Variants in BMERB1 observed in about 807,000 individuals in gnomAD.
The protein encoded by BMERB1 is bMERB domain-containing protein 1.
A neutral mutation model predicts 23.6 loss-of-function variants in BMERB1; 12 were observed. The observed-to-expected ratio is 0.51, with a 90% CI of 0.33 to 0.82. BMERB1 has a LOEUF of 0.82. Ranked by LOEUF, BMERB1 falls within the 40% of genes least tolerant of loss-of-function variation. The probability of loss-of-function intolerance (pLI) is 0.03; values close to 1 mark genes in which losing one functional copy is unlikely to be tolerated. For missense variants in BMERB1, 247 were observed against 255.4 expected, an observed-to-expected ratio of 0.97 and a Z score of 0.22; for synonymous variants, 122 against 96.6, an observed-to-expected ratio of 1.26 and a Z score of -1.54.
intron 1 of BMERB1, among the ~76,000 whole-genome samples, chr16:15,497,747 C>T (rs976381851): frequency 2.0e-5 from 3 of 152,170 alleles, no homozygotes; most frequent in African/African-American, 7.2e-5. Context: ...TCAACAGGAA[C>T]AATGATGATC....
Position 15,459,958 on chromosome 16 carries a change from A to G in BMERB1, c.106+25199A>G, listed in dbSNP as rs143719512. ...TTCTTCTCAATTCTCTTTTCCTTTA[A>G]TTGGTCTTCTTCTTGCCATACCTCA... On this transcript the variant is annotated intron_variant, in intron 1 of 5. Transcript: ENST00000300006. 4.4e-3 allele frequency among the ~76,000 whole-genome samples: 669 copies of G among 152,074 alleles called. 3 individuals are homozygous for G. The highest frequency in any genetic ancestry group is 0.013 in the African/African-American group (559 of 41,440).
Position 15,587,447 on chromosome 16 carries a change from CTG to C in BMERB1, c.*622_*623del. On this transcript the variant is annotated 3_prime_UTR_variant, in exon 6 of 6. Coordinates refer to ENST00000300006, the MANE Select transcript of BMERB1 (RefSeq NM_033201.3). ...GTCACATCTCCCGCTTCCCCCCATCCTGTGTCTGGGCACAGTTCACATCAGGA... is the reference window on the plus strand; with the variant it reads ...GTCACATCTCCCGCTTCCCCCCATCCTGTCTGGGCACAGTTCACATCAGGA... 1 of 334,878 alleles carries C rather than the reference CTG, an allele frequency of 3.0e-6. No individual in the cohort carries two copies. The highest frequency in any genetic ancestry group is 6.3e-6 in the Non-Finnish European group (1 of 159,476). The allele number at this position is 334,878 out of a possible 1,614,324, so 20.7% of individuals were successfully genotyped here. A position where few individuals can be genotyped will look rare whatever the true frequency, so the allele number is the denominator to read the frequency against.
intron 1 of BMERB1, among the ~76,000 whole-genome samples, chr16:15,489,122 G>C (rs2051393962): frequency 6.6e-6 from 1 of 152,116 alleles, no homozygotes; most frequent in African/African-American, 2.4e-5. Context: ...ATATCTATCT[G>C]AATCTGAACG....
rs568439851 is a variant in BMERB1, at chr16:15,567,776, A to AAC, written c.231-205_231-204dup. Among the ~76,000 whole-genome samples, 742 of 152,198 alleles carry AAC rather than the reference A, an allele frequency of 4.9e-3. 10 individuals carry two copies. The highest frequency in any genetic ancestry group is 0.017 in the African/African-American group (693 of 41,526). On this transcript the variant is annotated intron_variant, in intron 2 of 5. Coordinates refer to ENST00000300006, the MANE Select transcript of BMERB1 (RefSeq NM_033201.3). ...AGACTCTGTCACAAACAAACAAACA[A>AAC]ACAAAAAACAGTGATCATTTCTAGG...
intron 2 of BMERB1, among the ~76,000 whole-genome samples, chr16:15,566,372 C>A (rs1305166391): frequency 6.6e-6 from 1 of 152,162 alleles, no homozygotes; most frequent in Non-Finnish European, 1.5e-5. Flanking sequence ...ATTCCTACTA[C>A]AATGTAAGTG....
chr16:15,582,889 A>C (rs1015796652), intron 4 of BMERB1, among the ~76,000 whole-genome samples: 4 of 152,158 alleles, frequency 2.6e-5, no homozygotes, highest in African/African-American at 9.7e-5. Context: ...CTGACCCCCC[A>C]GCAGGGTCCT....
At chr16:15,535,147 C>T (rs2052013068) in intron 2 of BMERB1, among the ~76,000 whole-genome samples, 3 of 151,762 alleles carry the variant, frequency 2.0e-5, no homozygotes, top group African/African-American at 4.8e-5. Flanking sequence ...CCTAGAAGTT[C>T]AAGACCAGCT....
In BMERB1 at chr16:15,536,294, C is replaced by G. The variant is rs367545322; in HGVS notation, c.230+20866C>G. Among the ~76,000 whole-genome samples, 4 of 152,058 alleles carry G rather than the reference C, an allele frequency of 2.6e-5. No homozygotes were observed. In the East Asian group the frequency reaches 7.7e-4, roughly 29 times the overall value. On this transcript the variant is annotated intron_variant, in intron 2 of 5. Transcript: ENST00000300006. The stretch of plus-strand genomic sequence containing the variant: ...TCTTCCTGACCGCTGGGCCTGCTGA[C>G]CAACAGCAGCCCCCCCGCCTCTGGA...
intron 1 of BMERB1, among the ~76,000 whole-genome samples, chr16:15,466,299 T>C (rs1288854850): frequency 6.6e-6 from 1 of 152,186 alleles, no homozygotes; most frequent in Non-Finnish European, 1.5e-5. Flanking sequence ...AAAGTAGTAT[T>C]TCATTGTTAT....
At chr16:15,497,555 T>C (rs181218902) in intron 1 of BMERB1, among the ~76,000 whole-genome samples, 5 of 152,350 alleles carry the variant, frequency 3.3e-5, no homozygotes, top group African/African-American at 1.2e-4. Context: ...ACCCTGATTT[T>C]CACGTCCGTT....
chr16:15,456,618 C>T (rs1443401150), intron 1 of BMERB1, among the ~76,000 whole-genome samples: 3 of 151,772 alleles, frequency 2.0e-5, no homozygotes, highest in Non-Finnish European at 4.4e-5. Context: ...GAAGACACTG[C>T]ATCAGCCAAA....
At chr16:15,486,734 T>C (rs2150937483) in intron 1 of BMERB1, among the ~76,000 whole-genome samples, 1 of 152,356 alleles carries the variant, frequency 6.6e-6, no homozygotes, top group African/African-American at 2.4e-5. Context: ...CTCTTTTAAA[T>C]AAATCTGAGA....
At chr16:15,463,165 A>C (rs1395839366) in intron 1 of BMERB1, among the ~76,000 whole-genome samples, 1 of 151,184 alleles carries the variant, frequency 6.6e-6, no homozygotes, top group Non-Finnish European at 1.5e-5. Context: ...TGCAGCTTTG[A>C]ACTCTTCATC....
chr16:15,540,264 G>T (rs761587164), intron 2 of BMERB1, among the ~76,000 whole-genome samples: 11 of 152,032 alleles, frequency 7.2e-5, no homozygotes, highest in Non-Finnish European at 1.5e-4. Flanking sequence ...AAGAGAACAC[G>T]CCTGTAATCC....
chr16:15,581,674 T>G (rs1223940514), intron 4 of BMERB1, among the ~76,000 whole-genome samples: 1 of 152,196 alleles, frequency 6.6e-6, no homozygotes, highest in African/African-American at 2.4e-5. Flanking sequence ...ACCGAAACTC[T>G]GCCACCTGAA....
chr16:15,513,781 C>G (rs1328056456), intron 1 of BMERB1, among the ~76,000 whole-genome samples: 1 of 152,044 alleles, frequency 6.6e-6, no homozygotes, highest in Non-Finnish European at 1.5e-5. Flanking sequence ...GTTATCCCAG[C>G]TACTTGGGAG....
intron 1 of BMERB1, among the ~76,000 whole-genome samples, chr16:15,499,878 T>A (rs552779156): frequency 1.3e-5 from 2 of 152,012 alleles, no homozygotes; most frequent in South Asian, 2.1e-4. Flanking sequence ...AGATAAGGAG[T>A]CGGGGTAGGG....
At chr16:15,473,115 C>T (rs566491720) in intron 1 of BMERB1, among the ~76,000 whole-genome samples, 361 of 152,186 alleles carry the variant, frequency 2.4e-3, no homozygotes, top group Non-Finnish European at 3.8e-3. Context: ...CTGCCTCAGC[C>T]TCCCGAAGTG....
chr16:15,551,110 G>A (rs186568774), intron 2 of BMERB1, among the ~76,000 whole-genome samples: 35 of 152,316 alleles, frequency 2.3e-4, no homozygotes, highest in African/African-American at 6.5e-4. Flanking sequence ...AGTATCACTC[G>A]AATGACGGAT....
Sources: allele counts gnomAD v4.1 joint callset (sites outside exome capture counted in the v4.1 genomes callset), GRCh38; gene constraint gnomAD v4.1.1; transcripts MANE v1.5; gene names NCBI Gene and HGNC (gene_info 2026-07-23, HGNC 2026-07-21).